Variants in WDR64 observed in about 807,000 individuals in gnomAD.
WDR64 encodes WD repeat domain 64, also known as WD repeat-containing protein 64.
Under a neutral mutation model 139.3 loss-of-function variants are expected in WDR64, and 112 were observed. That is an observed-to-expected ratio of 0.80 (90% CI 0.69 to 0.94). The LOEUF is 0.94. Among genes scored for constraint, WDR64 ranks in the 40% least tolerant of loss-of-function variants. The pLI, the probability that WDR64 is intolerant of heterozygous loss-of-function variation, is 0.00. For missense variants in WDR64, 1,206 were observed against 1,293.1 expected, an observed-to-expected ratio of 0.93 and a Z score of 1.03; for synonymous variants, 444 against 437.7, an observed-to-expected ratio of 1.01 and a Z score of -0.18.
chr1:241,705,364 A>G (rs927093779), intron 8 of WDR64, among the ~76,000 whole-genome samples: 1 of 151,396 alleles, frequency 6.6e-6, no homozygotes, highest in African/African-American at 2.4e-5. Flanking sequence ...ACACGGTGAA[A>G]CCCCGTCTCT....
intron 17 of WDR64, 21 bp from the exon 18 acceptor site, chr1:241,770,600 G>A: frequency 6.5e-7 from 1 of 1,547,952 alleles, no homozygotes; most frequent in African/African-American, 1.4e-5. Context: ...TTACCTGTGG[G>A]CTTCCCCACT....
intron 1 of WDR64, among the ~76,000 whole-genome samples, chr1:241,655,256 G>A (rs2148048096): frequency 6.6e-6 from 1 of 152,182 alleles, no homozygotes; most frequent in East Asian, 1.9e-4. Context: ...GGTGACGTGT[G>A]CCTGTAGTCC....
chr1:241,675,671 T>A, intron 4 of WDR64, among the ~76,000 whole-genome samples: 1 of 152,232 alleles, frequency 6.6e-6, no homozygotes, highest in East Asian at 1.9e-4. Flanking sequence ...TTACTAATTA[T>A]GTCATTAAGT....
intron 12 of WDR64, among the ~76,000 whole-genome samples, chr1:241,742,007 G>A (rs1010432234): frequency 3.3e-5 from 5 of 151,974 alleles, no homozygotes; most frequent in African/African-American, 9.7e-5. Flanking sequence ...AGAAGGAAGG[G>A]GAATAAATTT....
At chr1:241,716,012 A>G (rs1254960431) in intron 9 of WDR64, among the ~76,000 whole-genome samples, 1 of 152,158 alleles carries the variant, frequency 6.6e-6, no homozygotes, top group Non-Finnish European at 1.5e-5. Flanking sequence ...ACCGACAAGC[A>G]ACTAATACTT....
intron 6 of WDR64, among the ~76,000 whole-genome samples, chr1:241,683,139 A>T (rs1666874962): frequency 6.6e-6 from 1 of 152,158 alleles, no homozygotes; most frequent in Admixed American, 6.5e-5. Flanking sequence ...GTTTAATGTC[A>T]ACAGTCTGGT....
At chr1:241,713,246 G>A (rs1403658564) in intron 9 of WDR64, among the ~76,000 whole-genome samples, 1 of 151,654 alleles carries the variant, frequency 6.6e-6, no homozygotes, top group Non-Finnish European at 1.5e-5. Context: ...AGGATGTTGA[G>A]GCTGCAGTGA....
chr1:241,767,383 G>A (rs946729417), intron 16 of WDR64, among the ~76,000 whole-genome samples: 1 of 150,888 alleles, frequency 6.6e-6, no homozygotes, highest in African/African-American at 2.4e-5. Context: ...AAGTAACACT[G>A]AATGATTTGT....
chr1:241,800,686 C>T (rs1020570019), intron 27 of WDR64, among the ~76,000 whole-genome samples: 2 of 152,074 alleles, frequency 1.3e-5, no homozygotes, highest in African/African-American at 4.8e-5. Context: ...ACTTTTATTC[C>T]TCATTTGTGT....
chr1:241,772,168 T>C (rs1053526573), intron 19 of WDR64, among the ~76,000 whole-genome samples: 9 of 149,174 alleles, frequency 6.0e-5, no homozygotes, highest in African/African-American at 1.9e-4. Flanking sequence ...CACCATTCTG[T>C]ATGTATAAGA....
In WDR64 at chr1:241,657,106, CACTTACCATCCA is replaced by C. The variant is rs567641716; in HGVS notation, c.146-3420_146-3409del. 8.9e-3 allele frequency among the ~76,000 whole-genome samples: 1,352 copies of C among 152,050 alleles called. 6 individuals carry two copies. Among genetic ancestry groups the C allele is most frequent in the Non-Finnish European group, 0.014 (979 of 67,974 alleles). On this transcript the variant is annotated intron_variant, in intron 1 of 27. Coordinates refer to ENST00000437684, the MANE Select transcript of WDR64 (RefSeq NM_001367482.1). ...CTAGGGTGCCTGTATTCTAGGGTGC[CACTTACCATCCA>C]ACTGGGGACACTTTCAAGACTGAAA...
At chr1:241,800,636 G>A (rs976342447) in intron 27 of WDR64, among the ~76,000 whole-genome samples, 5 of 152,128 alleles carry the variant, frequency 3.3e-5, no homozygotes, top group African/African-American at 2.4e-5. Context: ...GACAGAGCAA[G>A]ACCCTGTCTC....
chr1:241,764,642 C>T (rs915145084), intron 15 of WDR64, among the ~76,000 whole-genome samples: 6 of 151,936 alleles, frequency 3.9e-5, no homozygotes, highest in Admixed American at 3.9e-4. Context: ...GCTTGAGTGA[C>T]AGATCAAGAT....
chr1:241,681,330 C>T (rs1000724191), intron 6 of WDR64, among the ~76,000 whole-genome samples: 5 of 152,126 alleles, frequency 3.3e-5, no homozygotes, highest in African/African-American at 1.2e-4. Context: ...GCCTTTGCAT[C>T]CTCAAAGCTT....
At chr1:241,767,367 G>A (rs988368280) in intron 16 of WDR64, among the ~76,000 whole-genome samples, 3 of 151,652 alleles carry the variant, frequency 2.0e-5, no homozygotes, top group African/African-American at 7.3e-5. Context: ...TGTTGAGAAG[G>A]AACTAAAGTA....
chr1:241,716,514 T>C (rs1334237276), intron 9 of WDR64, among the ~76,000 whole-genome samples: 1 of 152,116 alleles, frequency 6.6e-6, no homozygotes, highest in Non-Finnish European at 1.5e-5. Context: ...GTTCAACAAA[T>C]ATTTTCTGCA....
At chr1:241,662,836 C>T (rs1665883014) in intron 2 of WDR64, among the ~76,000 whole-genome samples, 1 of 152,086 alleles carries the variant, frequency 6.6e-6, no homozygotes, top group Non-Finnish European at 1.5e-5. Flanking sequence ...TGCCTATTCA[C>T]CACTAATCTT....
chr1:241,736,908 C>G (rs967889963), intron 10 of WDR64, among the ~76,000 whole-genome samples: 20 of 152,138 alleles, frequency 1.3e-4, no homozygotes, highest in Admixed American at 3.9e-4. Flanking sequence ...GTCTCTTGTT[C>G]TTTTTGTCAG....
chr1:241,746,983 A>G (rs1035416551), intron 13 of WDR64, among the ~76,000 whole-genome samples: 1 of 151,912 alleles, frequency 6.6e-6, no homozygotes, highest in Non-Finnish European at 1.5e-5. Context: ...TGGTCTCGGA[A>G]CTCCTGACCT....
Sources: gnomAD v4.1 joint callset for allele counts (sites outside exome capture counted in the v4.1 genomes callset) on GRCh38, gnomAD v4.1.1 for gene constraint, MANE v1.5 for transcripts, NCBI Gene and HGNC (gene_info 2026-07-23, HGNC 2026-07-21) for gene names.